LAMA5: variants seen among roughly 807,000 people sequenced by gnomAD.
LAMA5 encodes the protein laminin subunit alpha-5.
In LAMA5, 260 loss-of-function variants were observed where a neutral mutation model predicts 433.4. The observed-to-expected ratio is 0.60, with a 90% confidence interval of 0.54 to 0.66. The LOEUF (loss-of-function observed/expected upper bound fraction) is 0.66, where lower values mean the gene tolerates loss of function less well. LAMA5 is among the 30% of genes least tolerant of loss of function. LAMA5 has a pLI of 0.00. For synonymous variants in LAMA5, 2,620 were observed against 2,226.6 expected (o/e 1.18, Z -4.97); for missense variants, 5,378 against 5,258.5 (o/e 1.02, Z -0.70).
At chr20:62,349,022 C>A (rs893238746) in intron 6 of LAMA5, among the ~76,000 whole-genome samples, 1 of 152,100 alleles carries the variant, frequency 6.6e-6, no homozygotes, top group Non-Finnish European at 1.5e-5. Context: ...GTAATCCCAG[C>A]ACTTTGGGAG....
chr20:62,346,899 G>A lies in LAMA5; in HGVS notation c.1072+14C>T. On this transcript the variant is annotated intron_variant, in intron 7 of 79. Transcript: ENST00000252999. ...GTGTGGGCAGGACACACGTGTGTGGGAGGAGGCACTCACACTGGCACTCGT... is the reference window on the plus strand; with the variant it reads ...GTGTGGGCAGGACACACGTGTGTGGAAGGAGGCACTCACACTGGCACTCGT... 1 of 1,611,882 alleles carries A rather than the reference G, an allele frequency of 6.2e-7. No homozygotes were observed. The highest frequency in any genetic ancestry group is 2.2e-5 in the East Asian group (1 of 44,860).
chr20:62,364,669 AG>A (rs1468591823), intron 1 of LAMA5, among the ~76,000 whole-genome samples: 1 of 152,156 alleles, frequency 6.6e-6, no homozygotes, highest in Non-Finnish European at 1.5e-5. Flanking sequence ...CCACCTTCCC[AG>A]GCTGGGCCGG....
Position 62,323,801 on chromosome 20 carries a change from C to T in LAMA5, c.5824G>A (p.Gly1942Ser), listed in dbSNP as rs1309901028. 6.2e-7 allele frequency: 1 copy of T among 1,610,814 alleles called. No individual in the cohort carries two copies. The highest frequency in any genetic ancestry group is 8.5e-7 in the Non-Finnish European group (1 of 1,179,012). Reference protein sequence around the residue: ...GGRTQCLCKPGYAGASCERCA... With the variant: ...GGRTQCLCKPSYAGASCERCA... ...CGCTCGCAGGAGGCACCTGCATAAC[C>T]AGGTTTGCAGAGGCACTGGGTGCGG... The change falls in exon 44 of 80, where the codon GGT becomes AGT. Residue 1942 changes from glycine (G) to serine (S), a missense_variant. By Grantham distance (56) the Gly-to-Ser change is moderately conservative (BLOSUM62 0). Coordinates refer to ENST00000252999, the MANE Select transcript of LAMA5 (RefSeq NM_005560.6).
intron 3 of LAMA5, 57 bp from the exon 4 acceptor site, chr20:62,352,417 G>T (rs1161948877): frequency 3.9e-5 from 54 of 1,393,556 alleles, no homozygotes; most frequent in Admixed American, 1.5e-4. Context: ...CTGGGTCCCC[G>T]CGGTGCCCGG....
rs1568975160 is a variant in LAMA5, at chr20:62,352,055, G to A, written c.712C>T (p.Arg238Cys). 6.2e-7 allele frequency: 1 copy of A among 1,612,176 alleles called. No individual in the cohort carries two copies. The highest frequency in any genetic ancestry group is 8.5e-7 in the Non-Finnish European group (1 of 1,179,872). ...TAGGAGAAATTCATGGCGCCCGGAC[G>A]TCCGTTCACCAGGGACACCACGATC... The part of the protein sequence containing the change: ...GEIVVSLVNG[R>C]PGAMNFSYSP... The change falls in exon 5 of 80, where the codon CGT becomes TGT. Residue 238 changes from arginine to cysteine, a missense_variant. Arg to Cys is a radical substitution (Grantham distance 180, BLOSUM62 -3). Transcript: ENST00000252999.
chr20:62,337,769 C>A lies in LAMA5; in HGVS notation c.2026+35G>T, dbSNP rs746477012. The A allele has an allele frequency of 2.5e-6, 4 of 1,608,744 alleles. No individual in the cohort carries two copies. The South Asian group carries it at 3.3e-5, about 13-fold the overall frequency. On this transcript the variant is annotated intron_variant, in intron 15 of 79. Transcript: ENST00000252999. ...CTGTGGGCACGCAGTGGAGACTGCA[C>A]CTGCCTCCCCACCACTTCCTCCCTA...
At chr20:62,314,282 G>A (rs1451108607) in intron 62 of LAMA5, 22 bp downstream of exon 62, 1 of 1,610,268 alleles carries the variant, frequency 6.2e-7, no homozygotes, top group South Asian at 1.1e-5. Context: ...GAGGCATCCG[G>A]CCTCTCTCCT....
Position 62,346,537 on chromosome 20 carries a change from G to A in LAMA5, c.1251C>T (p.Asn417=), listed in dbSNP as rs763059800. ...RCLPGFYRSP[N]HPLDSPHVCR... The stretch of plus-strand genomic sequence containing the variant: ...AGACGTGGGGCGAGTCGAGAGGGTG[G>A]TTGGGAGAGCGGTAGAAGCCGGGCA... The change falls in exon 9 of 80, where the codon AAC becomes AAT. Residue 417 remains asparagine, a synonymous_variant. Coordinates refer to ENST00000252999, the MANE Select transcript of LAMA5 (RefSeq NM_005560.6). The A allele has an allele frequency of 6.4e-7, 1 of 1,555,286 alleles. No individual in the cohort carries two copies. The highest frequency in any genetic ancestry group is 1.2e-5 in the South Asian group (1 of 84,688).
intron 16 of LAMA5, 66 bp from the exon 17 acceptor site, chr20:62,336,852 A>T: frequency 1.3e-6 from 2 of 1,524,330 alleles, no homozygotes; most frequent in South Asian, 2.3e-5. Context: ...AGGGTGTCCC[A>T]GGCCCAGCCA....
In LAMA5 at chr20:62,328,925, G is replaced by A. The variant is rs764555109; in HGVS notation, c.4366C>T (p.Gln1456Ter). The change falls in exon 34 of 80, where the codon CAG becomes TAG. Residue 1456 changes from glutamine to a stop codon, truncating the protein, a stop_gained. Transcript: ENST00000252999. LOFTEE classifies it high-confidence loss of function. The stretch of plus-strand genomic sequence containing the variant: ...ATGACATGGGCATGGCAGGGACACT[G>A]GCCCCCGAAGGGCTCACACGTGGGG... ...TGPTCEPFGG[Q>*]CPCHAHVIGR... The A allele has an allele frequency of 1.2e-6, 2 of 1,611,232 alleles. No homozygotes were observed. The highest frequency in any genetic ancestry group is 1.7e-6 in the Non-Finnish European group (2 of 1,178,984).
At chr20:62,317,282 C>G in intron 55 of LAMA5, 63 bp downstream of exon 55, 2 of 1,458,340 alleles carry the variant, frequency 1.4e-6, no homozygotes, top group South Asian at 1.4e-5. Flanking sequence ...CCAGCTGGCC[C>G]TCCCAAGGCC....
At chr20:62,316,815 G>A (rs574032378) in intron 56 of LAMA5, 42 bp from the exon 57 acceptor site, 255 of 1,560,190 alleles carry the variant, frequency 1.6e-4, no homozygotes, top group Middle Eastern at 9.8e-4. Context: ...CACGCAGGCC[G>A]GGGCTGCGGG....
Position 62,320,869 on chromosome 20 carries a change from A to G in LAMA5, c.6518T>C (p.Leu2173Pro), listed in dbSNP as rs750520198. ...HCEVCDHCVV[L>P]LLDDLERAGA... ...GGCCCGTTCCAGGTCATCCAGGAGCAGGACCACACAGTGGTCACACACTGC... is the reference window on the plus strand; with the variant it reads ...GGCCCGTTCCAGGTCATCCAGGAGCGGGACCACACAGTGGTCACACACTGC... The change falls in exon 49 of 80, where the codon CTG becomes CCG. Residue 2173 changes from leucine (L) to proline (P), a missense_variant. Leu to Pro is a moderately conservative substitution (Grantham distance 98). Transcript: ENST00000252999. 4.8e-5 allele frequency: 77 copies of G among 1,611,132 alleles called. No individual in the cohort carries two copies. The highest frequency in any genetic ancestry group is 6.3e-5 in the Non-Finnish European group (74 of 1,179,090).
At chr20:62,346,050 G>T (rs757512535) in intron 10 of LAMA5, 31 bp downstream of exon 10, 24 of 1,611,150 alleles carry the variant, frequency 1.5e-5, no homozygotes, top group Non-Finnish European at 2.0e-5. Flanking sequence ...AGGCAGTGGT[G>T]TCTGTTTGGA....
At chr20:62,329,744 T>TGGTCCCTGAGCAGGACATCA (rs1477464458) in intron 32 of LAMA5, 33 bp downstream of exon 32, 1 of 1,610,360 alleles carries the variant, frequency 6.2e-7, no homozygotes, top group Non-Finnish European at 8.5e-7. Context: ...TAAGGACAGC[T>TGGTCCCTGAGCAGGACATCA]GGTCCCTGAG....
At position 62,338,262 on chromosome 20, in the gene LAMA5, G is replaced by C; in HGVS notation, c.1726C>G (p.Pro576Ala). 1 of 1,600,750 alleles carries C rather than the reference G, an allele frequency of 6.2e-7. No individual in the cohort carries two copies. The highest frequency in any genetic ancestry group is 1.1e-5 in the South Asian group (1 of 89,576). ...FEGATCDRCA[P>A]GYFHFPLCQL... ...CAGAGAGGGAAGTGAAAGTAGCCGG[G>C]GGCACAGCGATCACATGTGGCCCCC... The change falls in exon 13 of 80, where the codon CCC (proline) becomes GCC (alanine). Residue 576 changes from proline to alanine, a missense_variant. Pro to Ala is a conservative substitution (Grantham distance 27). Coordinates refer to ENST00000252999, the MANE Select transcript of LAMA5 (RefSeq NM_005560.6).
At position 62,317,743 on chromosome 20, in the gene LAMA5, G is replaced by T. The variant is rs765798880; in HGVS notation, c.7275C>A (p.Thr2425=). The T allele has an allele frequency of 6.2e-7, 1 of 1,607,592 alleles. No homozygotes were observed. The highest frequency in any genetic ancestry group is 8.5e-7 in the Non-Finnish European group (1 of 1,177,868). ...TAGCCGCATGCAGAGTGGCCTGCAGGGTGGCATTGTCCCGGGACAGCTCCT... is the reference window on the plus strand; with the variant it reads ...TAGCCGCATGCAGAGTGGCCTGCAGTGTGGCATTGTCCCGGGACAGCTCCT... ...RKQELSRDNA[T]LQATLHAARD... Residue 2425 remains threonine (T), a synonymous_variant, in exon 54 of 80, where the codon ACC becomes ACA. Coordinates refer to ENST00000252999, the MANE Select transcript of LAMA5 (RefSeq NM_005560.6).
chr20:62,311,776 A>G lies in LAMA5; in HGVS notation c.9644T>C (p.Leu3215Pro). 6.4e-7 allele frequency: 1 copy of G among 1,559,968 alleles called. No homozygotes were observed. Among genetic ancestry groups the G allele is most frequent in the Non-Finnish European group, 8.7e-7 (1 of 1,153,012 alleles). Residue 3215 changes from leucine (L) to proline (P), a missense_variant, in exon 71 of 80, where the codon CTG becomes CCG. Coordinates refer to ENST00000252999, the MANE Select transcript of LAMA5 (RefSeq NM_005560.6). The stretch of plus-strand genomic sequence containing the variant: ...CTGCTGGAGCTGGTCATCGACATAC[A>G]GCCAGACTCTGGGGGGCGGGAGGCC... ...AFYSNATGVW[L>P]YVDDQLQQMK...
chr20:62,322,994 G>A (rs569175862), intron 45 of LAMA5, among the ~76,000 whole-genome samples: 3 of 151,016 alleles, frequency 2.0e-5, no homozygotes, highest in South Asian at 2.1e-4. Context: ...GCTGGTGTCC[G>A]CTGCCAGTGG....
Sources: gnomAD v4.1 joint callset for allele counts (sites outside exome capture counted in the v4.1 genomes callset) on GRCh38, gnomAD v4.1.1 for gene constraint, MANE v1.5 for transcripts, NCBI Gene and HGNC (gene_info 2026-07-23, HGNC 2026-07-21) for gene names.